The following PACRG variants were observed in gnomAD, a reference collection of about 807,000 sequenced individuals.
PACRG encodes the protein parkin coregulated gene protein.
In PACRG, 29 loss-of-function variants were observed where a neutral mutation model predicts 29.7. The observed-to-expected ratio is 0.98, with a 90% CI of 0.73 to 1.33. The LOEUF (loss-of-function observed/expected upper bound fraction) is 1.33, where lower values mean the gene tolerates loss of function less well. Among genes scored for constraint, PACRG ranks in the 40% most tolerant of loss-of-function variants. The pLI is 0.00. For missense variants in PACRG, 279 were observed against 316.2 expected (o/e 0.88, Z 0.89); for synonymous variants, 116 against 118.7 (o/e 0.98, Z 0.15).
At position 162,794,602 on chromosome 6, in the gene PACRG, G is replaced by T. The variant is rs1785218092; in HGVS notation, c.157-19545G>T. ...CTCCAATATTTCTTTTAATCACACA[G>T]AATTGAATTTCATATATGGTGTGAG... On this transcript the variant is annotated intron_variant, in intron 1 of 4. Coordinates refer to ENST00000366888, the MANE Select transcript of PACRG (RefSeq NM_001080379.2). Among the ~76,000 whole-genome samples, 4 of 152,076 alleles carry T rather than the reference G, an allele frequency of 2.6e-5. No homozygotes were observed. The South Asian group carries it at 8.3e-4, about 31-fold the overall frequency.
chr6:163,092,179 G>A (rs1230524560), intron 4 of PACRG, among the ~76,000 whole-genome samples: 3 of 152,154 alleles, frequency 2.0e-5, no homozygotes, highest in Admixed American at 6.5e-5. Flanking sequence ...CCCTCAAAGC[G>A]CAAACATTAG....
intron 4 of PACRG, among the ~76,000 whole-genome samples, chr6:163,175,692 C>T (rs1469786661): frequency 1.3e-5 from 2 of 149,764 alleles, no homozygotes; most frequent in East Asian, 4.0e-4. Context: ...GCCTGTGATA[C>T]TGTGAAACAT....
At chr6:162,997,181 T>C (rs1804144351) in intron 2 of PACRG, among the ~76,000 whole-genome samples, 1 of 152,196 alleles carries the variant, frequency 6.6e-6, no homozygotes. Flanking sequence ...TCAGAAAATA[T>C]GTCATGCTCA....
chr6:162,940,120 G>A (rs1798512014), intron 2 of PACRG, among the ~76,000 whole-genome samples: 1 of 152,272 alleles, frequency 6.6e-6, no homozygotes, highest in South Asian at 2.1e-4. Flanking sequence ...GAAACATCAA[G>A]AGCAACTTTT....
At chr6:162,911,564 G>A (rs1019935994) in intron 2 of PACRG, among the ~76,000 whole-genome samples, 1 of 152,182 alleles carries the variant, frequency 6.6e-6, no homozygotes, top group Admixed American at 6.5e-5. Flanking sequence ...AGATAGATAT[G>A]CAGTGAACAA....
chr6:163,081,287 A>G (rs1813048967), intron 3 of PACRG, among the ~76,000 whole-genome samples: 1 of 152,214 alleles, frequency 6.6e-6, no homozygotes, highest in African/African-American at 2.4e-5. Context: ...TCTATGAGAC[A>G]CTATAATAGA....
At chr6:163,308,905 C>T (rs950935341) in intron 4 of PACRG, among the ~76,000 whole-genome samples, 3 of 152,118 alleles carry the variant, frequency 2.0e-5, no homozygotes, top group African/African-American at 7.2e-5. Flanking sequence ...GGTTACAGGT[C>T]TTAATAGGTG....
intron 4 of PACRG, among the ~76,000 whole-genome samples, chr6:163,236,181 CT>C (rs1782231328): frequency 1.3e-5 from 2 of 152,100 alleles, no homozygotes; most frequent in African/African-American, 2.4e-5. Flanking sequence ...TTAAATAGAA[CT>C]GTTCTCCTCC....
chr6:162,852,783 A>G (rs957528112), intron 2 of PACRG, among the ~76,000 whole-genome samples: 3 of 152,256 alleles, frequency 2.0e-5, no homozygotes, highest in South Asian at 2.1e-4. Flanking sequence ...ATGTGACTCA[A>G]TTCTTTGAAC....
At chr6:162,844,794 A>G (rs1790205549) in intron 2 of PACRG, among the ~76,000 whole-genome samples, 1 of 152,210 alleles carries the variant, frequency 6.6e-6, no homozygotes, top group African/African-American at 2.4e-5. Context: ...ACATCTTAAA[A>G]TGGTTATTTC....
chr6:163,283,527 G>A (rs1390209659), intron 4 of PACRG, among the ~76,000 whole-genome samples: 14 of 152,314 alleles, frequency 9.2e-5, no homozygotes, highest in African/African-American at 2.6e-4. Flanking sequence ...AGGGCCGGGC[G>A]CGGTGGCTCA....
At chr6:163,015,406 TAAG>T (rs1258532157) in intron 2 of PACRG, among the ~76,000 whole-genome samples, 1 of 152,220 alleles carries the variant, frequency 6.6e-6, no homozygotes, top group East Asian at 1.9e-4. Flanking sequence ...TGTAGTTTGA[TAAG>T]AATAGTGTTG....
chr6:163,231,666 C>T (rs547255481), intron 4 of PACRG, among the ~76,000 whole-genome samples: 1 of 152,318 alleles, frequency 6.6e-6, no homozygotes, highest in African/African-American at 2.4e-5. Context: ...ATGCCTTCCC[C>T]AGGACCAGCA....
chr6:162,811,788 G>A (rs1362781517), intron 1 of PACRG, among the ~76,000 whole-genome samples: 1 of 152,100 alleles, frequency 6.6e-6, no homozygotes, highest in Non-Finnish European at 1.5e-5. Context: ...ATGAACTGTT[G>A]ATATAGGTTG....
chr6:163,185,507 A>G (rs1468116238), intron 4 of PACRG, among the ~76,000 whole-genome samples: 1 of 152,228 alleles, frequency 6.6e-6, no homozygotes, highest in Admixed American at 6.5e-5. Flanking sequence ...CACTGCAAAT[A>G]TATAAGCCAT....
At chr6:162,875,243 A>T (rs1793217336) in intron 2 of PACRG, among the ~76,000 whole-genome samples, 1 of 151,842 alleles carries the variant, frequency 6.6e-6, no homozygotes, top group Non-Finnish European at 1.5e-5. Context: ...ATGCACAGAC[A>T]TTCACACACA....
In PACRG at chr6:162,997,984, T is replaced by C. The variant is rs137941566; in HGVS notation, c.292-64166T>C. 9.1e-3 allele frequency among the ~76,000 whole-genome samples: 1,381 copies of C among 152,342 alleles called. 11 individuals are homozygous for C. The highest frequency in any genetic ancestry group is 0.025 in the South Asian group (121 of 4,822). On this transcript the variant is annotated intron_variant, in intron 2 of 4. Transcript: ENST00000366888. ...CTGAATTGTACACGTCATAACAGTA[T>C]GTCCTTAAACAAGTTACTTAGCCTC...
intron 2 of PACRG, among the ~76,000 whole-genome samples, chr6:162,880,064 C>T (rs1446338065): frequency 6.6e-6 from 1 of 152,134 alleles, no homozygotes; most frequent in East Asian, 1.9e-4. Flanking sequence ...GGGGAGAAAA[C>T]AGACATGTAA....
chr6:163,157,861 T>A (rs1054911673), intron 4 of PACRG, among the ~76,000 whole-genome samples: 5 of 152,220 alleles, frequency 3.3e-5, no homozygotes, highest in African/African-American at 4.8e-5. Context: ...ATGAAAGTTG[T>A]CATTAGACCA....
Sources: gnomAD v4.1 joint callset for allele counts (sites outside exome capture counted in the v4.1 genomes callset) on GRCh38, gnomAD v4.1.1 for gene constraint, MANE v1.5 for transcripts, NCBI Gene and HGNC (gene_info 2026-07-23, HGNC 2026-07-21) for gene names.